Variants in CAST observed in about 807,000 individuals in gnomAD.
CAST encodes the protein MIR583 host.
Under a neutral mutation model 119.6 loss-of-function variants are expected in CAST, and 76 were observed. That is an observed-to-expected ratio of 0.64 (90% CI 0.53 to 0.77). CAST has a LOEUF of 0.77. Ranked by LOEUF, CAST falls within the 30% of genes least tolerant of loss-of-function variation. The probability of loss-of-function intolerance (pLI) is 0.00; values close to 1 mark genes in which losing one functional copy is unlikely to be tolerated. For missense variants in CAST, 953 were observed against 946.5 expected, an observed-to-expected ratio of 1.01 and a Z score of -0.09; for synonymous variants, 319 against 331.6, an observed-to-expected ratio of 0.96 and a Z score of 0.41.
chr5:96,232,688 A>T, the CAST span, among the ~76,000 whole-genome samples: 2 of 152,124 alleles, frequency 1.3e-5, no homozygotes, highest in Non-Finnish European at 2.9e-5. Flanking sequence ...AAAGAAAGAG[A>T]AATTATAAGG....
the CAST span, among the ~76,000 whole-genome samples, chr5:96,132,290 T>C: frequency 3.5e-3 from 531 of 152,250 alleles, 2 homozygotes; most frequent in African/African-American, 4.5e-3. Flanking sequence ...TATTGATACA[T>C]AGCAATGGCA....
intron 29 of CAST, chr5:96,770,200 C>T: frequency 6.8e-6 from 2 of 292,136 alleles, no homozygotes; most frequent in Non-Finnish European, 1.4e-5. Context: ...TACTAGGGTT[C>T]CCTTTTCTCC....
chr5:96,519,115 G>A, the CAST span, among the ~76,000 whole-genome samples: 1 of 152,094 alleles, frequency 6.6e-6, no homozygotes, highest in Non-Finnish European at 1.5e-5. Flanking sequence ...AATGTCCTTT[G>A]ATTCAAATTT....
intron 1 of CAST, among the ~76,000 whole-genome samples, chr5:96,647,696 C>T (rs4869303): frequency 0.3 from 45,871 of 151,944 alleles, 7,117 homozygotes; most frequent in African/African-American, 0.35. Flanking sequence ...AGGCACACAC[C>T]GGGAGAACAC....
At chr5:96,581,438 C>T (rs1746767842) in intron 1 of CAST, among the ~76,000 whole-genome samples, 1 of 152,132 alleles carries the variant, frequency 6.6e-6, no homozygotes, top group Non-Finnish European at 1.5e-5. Flanking sequence ...TGAATTGCCA[C>T]AACCTTTTTG....
chr5:96,318,317 C>T, the CAST span, among the ~76,000 whole-genome samples: 1 of 152,182 alleles, frequency 6.6e-6, no homozygotes, highest in Non-Finnish European at 1.5e-5. Context: ...TCCAGCTCAG[C>T]CTGGTATGTT....
At chr5:96,167,756 G>A in the CAST span, among the ~76,000 whole-genome samples, 1 of 152,172 alleles carries the variant, frequency 6.6e-6, no homozygotes, top group Non-Finnish European at 1.5e-5. Flanking sequence ...TGTGGGAAAG[G>A]CCTCTACCCA....
At chr5:95,995,813 A>G in the CAST span, among the ~76,000 whole-genome samples, 2 of 152,072 alleles carry the variant, frequency 1.3e-5, no homozygotes, top group Non-Finnish European at 2.9e-5. Context: ...AACAGCTCCT[A>G]TATCCAATGC....
At chr5:96,247,867 T>A in the CAST span, 1 of 152,264 alleles carries the variant, frequency 6.6e-6, no homozygotes, top group Non-Finnish European at 1.5e-5. Flanking sequence ...ACTGCCACCC[T>A]TCTGGCTGCT....
the CAST span, among the ~76,000 whole-genome samples, chr5:96,232,046 T>A: frequency 6.6e-6 from 1 of 152,098 alleles, no homozygotes; most frequent in Non-Finnish European, 1.5e-5. Context: ...GTAAAAGAAC[T>A]AAAATATTGG....
chr5:96,614,887 T>C (rs1273280549), intron 1 of CAST, among the ~76,000 whole-genome samples: 1 of 150,476 alleles, frequency 6.6e-6, no homozygotes, highest in African/African-American at 2.5e-5. Context: ...GCCTTTTAGT[T>C]ACTTAAAAGC....
At chr5:96,413,617 T>C in the CAST span, among the ~76,000 whole-genome samples, 1 of 150,034 alleles carries the variant, frequency 6.7e-6, no homozygotes, top group Non-Finnish European at 1.5e-5. Context: ...CTGGCCAACA[T>C]GGAGAAACCC....
At chr5:96,069,302 T>C in the CAST span, among the ~76,000 whole-genome samples, 1 of 151,996 alleles carries the variant, frequency 6.6e-6, no homozygotes. Context: ...TTAAGATTTA[T>C]TTTAAGAAAC....
intron 1 of CAST, among the ~76,000 whole-genome samples, chr5:96,654,024 TTTC>T (rs1748125324): frequency 8.0e-6 from 1 of 124,462 alleles, no homozygotes; most frequent in African/African-American, 3.2e-5. Flanking sequence ...TTTCTTTTCT[TTTC>T]TTTTTTTTTT....
rs1233360638 is a variant in CAST, at chr5:96,534,714, G to GGA, written c.60+4861_60+4862dup. On this transcript the variant is annotated intron_variant, in intron 1 of 11. Coordinates refer to the CAST transcript ENST00000505143. Reference sequence around the variant, plus strand: ...AGGAAGGAAGGAAGGAAGGAAGGAAGGAGAGAGAGAGAGAGAGAGAGAGAG... The same window carrying GGA: ...AGGAAGGAAGGAAGGAAGGAAGGAAGGAGAGAGAGAGAGAGAGAGAGAGAGAG... Among the ~76,000 whole-genome samples, 65 of 13,992 alleles carry GGA rather than the reference G, an allele frequency of 4.6e-3. 4 individuals are homozygous for GGA. The highest frequency in any genetic ancestry group is 0.01 in the African/African-American group (55 of 5,500). The allele number at this position is 13,992 out of a possible 152,430, so 9.2% of individuals were successfully genotyped here.
chr5:96,339,089 C>A, the CAST span, among the ~76,000 whole-genome samples: 4 of 152,060 alleles, frequency 2.6e-5, no homozygotes, highest in Non-Finnish European at 5.9e-5. Context: ...TAATGAGGGG[C>A]CAGGTCTCCA....
At chr5:96,750,719 GA>G in intron 20 of CAST, 37 bp downstream of exon 20, 1 of 1,285,836 alleles carries the variant, frequency 7.8e-7, no homozygotes, top group Non-Finnish European at 1.1e-6. Context: ...AGTGGCTTGA[GA>G]AAGTTTTCTG....
chr5:96,312,349 A>G, the CAST span, among the ~76,000 whole-genome samples: 3 of 152,102 alleles, frequency 2.0e-5, no homozygotes, highest in African/African-American at 4.8e-5. Context: ...TTCACAGTAG[A>G]AAATTAGTCT....
At chr5:96,675,457 A>T (rs1750587538) in intron 1 of CAST, 82 bp from the exon 2 acceptor site, 1 of 924,904 alleles carries the variant, frequency 1.1e-6, no homozygotes, top group Non-Finnish European at 1.8e-6. Context: ...AAAAAAGGGT[A>T]TGCATTTAGC....
Sources: allele counts gnomAD v4.1 joint callset (sites outside exome capture counted in the v4.1 genomes callset), GRCh38; gene constraint gnomAD v4.1.1; transcripts MANE v1.5; gene names NCBI Gene and HGNC (gene_info 2026-07-23, HGNC 2026-07-21).